ZAN: variants seen among roughly 807,000 people sequenced by gnomAD.
The protein encoded by ZAN is zonadhesin (gene/pseudogene).
In ZAN, 260 loss-of-function variants were observed where a neutral mutation model predicts 286.2. The ratio of observed to expected loss-of-function variants is 0.91; its 90% CI spans 0.82 to 1.01. The LOEUF is 1.01. Ranked by LOEUF, ZAN falls within the 50% of genes least tolerant of loss-of-function variation. The pLI, the probability that ZAN is intolerant of heterozygous loss-of-function variation, is 0.00. For synonymous variants in ZAN, 1,368 were observed against 1,417.5 expected (o/e 0.97, Z 0.79); for missense variants, 3,410 against 3,639.2 (o/e 0.94, Z 1.62).
Position 100,785,988 on chromosome 7 carries a change from C to A in ZAN, c.6835-9C>A. ...CCTCACTCTCTTTCTCTTCCTGTAACTTCTACAGCTGGGCAAGAGCTGGGT... is the reference window on the plus strand; with the variant it reads ...CCTCACTCTCTTTCTCTTCCTGTAAATTCTACAGCTGGGCAAGAGCTGGGT... On this transcript the variant is annotated splice_polypyrimidine_tract_variant and intron_variant, in intron 36 of 47. Coordinates refer to ENST00000613979, the MANE Select transcript of ZAN (RefSeq NM_003386.3). 6.2e-7 allele frequency: 1 copy of A among 1,612,190 alleles called. No individual in the cohort carries two copies. Among genetic ancestry groups the A allele is most frequent in the South Asian group, 1.1e-5 (1 of 90,956 alleles).
intron 35 of ZAN, among the ~76,000 whole-genome samples, chr7:100,781,940 C>T (rs1811221040): frequency 6.6e-6 from 1 of 152,146 alleles, no homozygotes; most frequent in Admixed American, 6.6e-5. Context: ...TGCACCTGGT[C>T]ATGAAAAATA....
intron 15 of ZAN, 24 bp from the exon 16 acceptor site, chr7:100,758,178 T>C: frequency 6.2e-7 from 1 of 1,603,110 alleles, no homozygotes; most frequent in Non-Finnish European, 8.5e-7. Flanking sequence ...TATGACTGTG[T>C]GACCTCACAT....
chr7:100,758,364 T>G (rs1470953106), intron 16 of ZAN, 21 bp downstream of exon 16: 2 of 1,607,054 alleles, frequency 1.2e-6, no homozygotes, highest in South Asian at 1.1e-5. Flanking sequence ...CTCCCCATGC[T>G]GTCCCTGCCT....
rs186116544 is a variant in ZAN, at chr7:100,785,379, C to T, written c.6834+545C>T. On this transcript the variant is annotated intron_variant, in intron 36 of 47. Transcript: ENST00000613979. Reference sequence around the variant, plus strand: ...CTGTGTAGCTGGGATTACAGGCAAGCGCCACCACAGCCTGCTAATTTTTGA... The same window carrying T: ...CTGTGTAGCTGGGATTACAGGCAAGTGCCACCACAGCCTGCTAATTTTTGA... Among the ~76,000 whole-genome samples, 12 of 150,144 alleles carry T rather than the reference C, an allele frequency of 8.0e-5. No individual in the cohort carries two copies. The East Asian group carries it at 2.2e-3, about 28-fold the overall frequency.
At chr7:100,760,311 C>T in intron 18 of ZAN, 80 bp from the exon 19 acceptor site, 2 of 1,562,400 alleles carry the variant, frequency 1.3e-6, no homozygotes, top group East Asian at 4.5e-5. Context: ...TCCTGCCTCC[C>T]AGCTATGGAA....
chr7:100,791,263 A>G, intron 40 of ZAN, 150 bp downstream of exon 40: 1 of 1,095,782 alleles, frequency 9.1e-7, no homozygotes, highest in Non-Finnish European at 1.3e-6. Flanking sequence ...ATTCCCTCTC[A>G]TCTGACTCTG....
chr7:100,770,041 C>A, intron 28 of ZAN, 67 bp downstream of exon 28: 1 of 1,447,544 alleles, frequency 6.9e-7, no homozygotes, highest in South Asian at 1.2e-5. Context: ...GGAGTCTAGT[C>A]AGGGAGGGAG....
At chr7:100,788,633 G>A (rs960559001) in intron 38 of ZAN, among the ~76,000 whole-genome samples, 2 of 152,154 alleles carry the variant, frequency 1.3e-5, no homozygotes, top group African/African-American at 4.8e-5. Context: ...AAGAGAGGAG[G>A]AGGACAGAGC....
intron 6 of ZAN, 129 bp from the exon 7 acceptor site, chr7:100,738,332 C>A: frequency 1.1e-6 from 1 of 886,628 alleles, no homozygotes; most frequent in Non-Finnish European, 1.7e-6. Context: ...GTGGGAGGAC[C>A]GCTTGAGTCC....
At position 100,752,443 on chromosome 7, in the gene ZAN, C is replaced by A. The variant is rs202010774; in HGVS notation, c.2338C>A (p.Pro780Thr). 1.5e-4 allele frequency: 244 copies of A among 1,594,394 alleles called. No individual in the cohort carries two copies. The highest frequency in any genetic ancestry group is 3.5e-5 in the Non-Finnish European group (41 of 1,170,950). ...AAAACTCACCATCCCCACAGAAAAACCCACCATCCCCACAGAAAAACCCAC... is the reference window on the plus strand; with the variant it reads ...AAAACTCACCATCCCCACAGAAAAAACCACCATCCCCACAGAAAAACCCAC... ...PEKLTIPTEK[P>T]TIPTEKPTIP... The change falls in exon 14 of 48, where the codon CCC becomes ACC. Residue 780 changes from proline to threonine, a missense_variant. Coordinates refer to ENST00000613979, the MANE Select transcript of ZAN (RefSeq NM_003386.3).
At position 100,737,259 on chromosome 7, in the gene ZAN, C is replaced by G. The variant is rs1364899728; in HGVS notation, c.526-3C>G. On this transcript the variant is annotated splice_polypyrimidine_tract_variant and splice_region_variant and intron_variant, in intron 5 of 47. Transcript: ENST00000613979. ...GGGTTGGGGTCCCCTTATCCTCTTG[C>G]AGCTGATGTTTGAGGGAACACGGGG... is the stretch of plus-strand genomic sequence containing the variant. 1 of 1,478,480 alleles carries G rather than the reference C, an allele frequency of 6.8e-7. No homozygotes were observed. The highest frequency in any genetic ancestry group is 9.2e-7 in the Non-Finnish European group (1 of 1,082,386). 91.6% of individuals were successfully genotyped at this position (1,478,480 alleles called of 1,614,324 possible).
rs141449386 is a variant in ZAN, at chr7:100,748,522, G to T, written c.1249+52G>T. The stretch of plus-strand genomic sequence containing the variant: ...CAAGAAATCACTCAGTCTGCTCCCA[G>T]GTAGCAGGCTGGCTGCTGTGACTGA... On this transcript the variant is annotated intron_variant, in intron 11 of 47. Coordinates refer to ENST00000613979, the MANE Select transcript of ZAN (RefSeq NM_003386.3). The T allele has an allele frequency of 1.7e-4, 266 of 1,563,056 alleles. 3 individuals are homozygous for T. The East Asian group carries it at 6.0e-3, about 35-fold the overall frequency.
chr7:100,737,990 C>G (rs1807433751), intron 6 of ZAN, among the ~76,000 whole-genome samples: 2 of 139,770 alleles, frequency 1.4e-5, no homozygotes, highest in African/African-American at 5.2e-5. Flanking sequence ...GAATTTCACT[C>G]TTGTCACCCA....
intron 20 of ZAN, among the ~76,000 whole-genome samples, chr7:100,762,951 G>A (rs1278825516): frequency 6.6e-6 from 1 of 150,610 alleles, no homozygotes; most frequent in East Asian, 2.0e-4. Context: ...GGGTTGACCA[G>A]GCTGCTGGCC....
rs772882053 is a variant in ZAN, at chr7:100,759,771, G to A, written c.3622G>A (p.Val1208Met). Residue 1208 changes from valine to methionine, a missense_variant, in exon 18 of 48, where the codon GTG becomes ATG. Val to Met is a conservative substitution (Grantham distance 21, BLOSUM62 1). Transcript: ENST00000613979. Reference protein sequence around the residue: ...AKNEEQGQEGVSCLSKVYVTL... With the variant: ...AKNEEQGQEGMSCLSKVYVTL... ...GAATGAGGAGCAGGGACAGGAAGGCGTGTCCTGCCTGAGCAAAGTCTACGT... is the reference window on the plus strand; with the variant it reads ...GAATGAGGAGCAGGGACAGGAAGGCATGTCCTGCCTGAGCAAAGTCTACGT... 18 of 1,601,860 alleles carry A rather than the reference G, an allele frequency of 1.1e-5. No homozygotes were observed. The highest frequency in any genetic ancestry group is 1.6e-4 in the Middle Eastern group (1 of 6,076).
chr7:100,755,240 A>C lies in ZAN; in HGVS notation c.3139A>C (p.Asn1047His). 1.2e-6 allele frequency: 2 copies of C among 1,612,650 alleles called. No homozygotes were observed. The highest frequency in any genetic ancestry group is 1.7e-6 in the Non-Finnish European group (2 of 1,179,178). ...TTTCCCCTTAGAGCGCTGCCCTCCA[A>C]ATGCCCGCTACGAATCCTGTGCTTG... ...SRSSTERCPP[N>H]ARYESCACPA... The change falls in exon 15 of 48, where the codon AAT becomes CAT. Residue 1047 changes from asparagine (N) to histidine (H), a missense_variant. Asn to His is a moderately conservative substitution (Grantham distance 68). Coordinates refer to ENST00000613979, the MANE Select transcript of ZAN (RefSeq NM_003386.3).
intron 14 of ZAN, among the ~76,000 whole-genome samples, chr7:100,753,827 C>T (rs1251563132): frequency 2.5e-5 from 3 of 118,620 alleles, no homozygotes; most frequent in Admixed American, 2.0e-4. Flanking sequence ...AGCAAGACAT[C>T]GTCCTAAAAA....
chr7:100,781,329 G>A (rs1255783143), intron 35 of ZAN, among the ~76,000 whole-genome samples: 1 of 152,142 alleles, frequency 6.6e-6, no homozygotes, highest in Non-Finnish European at 1.5e-5. Context: ...GCCTCCCAAA[G>A]TGCTGGGATT....
At chr7:100,789,397 G>A (rs769659438) in intron 39 of ZAN, 50 bp downstream of exon 39, 2 of 1,600,366 alleles carry the variant, frequency 1.2e-6, no homozygotes, top group South Asian at 2.2e-5. Flanking sequence ...CTGGGAAGTG[G>A]GAGGGAAAAT....
Sources: gnomAD v4.1 joint callset for allele counts (sites outside exome capture counted in the v4.1 genomes callset) on GRCh38, gnomAD v4.1.1 for gene constraint, MANE v1.5 for transcripts, NCBI Gene and HGNC (gene_info 2026-07-23, HGNC 2026-07-21) for gene names.